MAP2: variants seen among roughly 807,000 people sequenced by gnomAD.
MAP2 encodes microtubule-associated protein 2.
In MAP2, 14 loss-of-function variants were observed where a neutral mutation model predicts 137.6. That is an observed-to-expected ratio of 0.10 (90% CI 0.07 to 0.16). MAP2 has a LOEUF of 0.16. MAP2 is among the 10% of genes least tolerant of loss of function. MAP2 has a pLI of 1.00. For missense variants in MAP2, 2,088 were observed against 2,191.5 expected (o/e 0.95, Z 0.94); for synonymous variants, 786 against 782.3 (o/e 1.00, Z -0.08).
intron 1 of MAP2, among the ~76,000 whole-genome samples, chr2:209,432,834 C>T (rs1215857090): frequency 2.0e-5 from 3 of 152,124 alleles, no homozygotes; most frequent in Non-Finnish European, 4.4e-5. Context: ...AGAGTCAACA[C>T]ATATAAATGC....
In MAP2 at chr2:209,695,931, C is replaced by A. The variant is rs753552732; in HGVS notation, c.3761C>A (p.Thr1254Asn). The A allele has an allele frequency of 1.9e-6, 3 of 1,614,050 alleles. No individual in the cohort carries two copies. The East Asian group carries it at 6.7e-5, about 36-fold the overall frequency. ...GATAAACTGCTCTTCCGCTCAGACA[C>A]CCTTCAGATAACTGACCTGGGTGTC... ...EYDKLLFRSD[T>N]LQITDLGVSG... Residue 1254 changes from threonine (T) to asparagine (N), a missense_variant, in exon 8 of 16, where the codon ACC becomes AAC. Coordinates refer to ENST00000682079, the MANE Select transcript of MAP2 (RefSeq NM_001375505.1).
At chr2:209,428,539 G>A (rs1033761090) in intron 1 of MAP2, among the ~76,000 whole-genome samples, 1 of 150,666 alleles carries the variant, frequency 6.6e-6, no homozygotes, top group South Asian at 2.1e-4. Context: ...CTTTCAGTTT[G>A]TATTGGCAAA....
intron 2 of MAP2, among the ~76,000 whole-genome samples, chr2:209,574,789 A>C (rs2075035936): frequency 6.6e-6 from 1 of 152,228 alleles, no homozygotes; most frequent in African/African-American, 2.4e-5. Flanking sequence ...CATCTATAGT[A>C]AATAAGGCAA....
intron 1 of MAP2, among the ~76,000 whole-genome samples, chr2:209,459,749 T>C (rs1302969158): frequency 6.6e-6 from 1 of 152,212 alleles, no homozygotes; most frequent in Non-Finnish European, 1.5e-5. Context: ...CAGGCCACCA[T>C]GCATTTTTTT....
At chr2:209,427,970 C>T (rs1678938148) in intron 1 of MAP2, among the ~76,000 whole-genome samples, 2 of 152,038 alleles carry the variant, frequency 1.3e-5, no homozygotes, top group Admixed American at 1.3e-4. Flanking sequence ...TTTTGTTTTT[C>T]TGTTTCAACA....
intron 1 of MAP2, among the ~76,000 whole-genome samples, chr2:209,461,630 A>C (rs1023118989): frequency 6.6e-6 from 1 of 152,062 alleles, no homozygotes; most frequent in Non-Finnish European, 1.5e-5. Flanking sequence ...TTGTGTTTTC[A>C]GTGGAGACGG....
intron 1 of MAP2, among the ~76,000 whole-genome samples, chr2:209,433,357 G>A (rs909479621): frequency 6.6e-6 from 1 of 152,044 alleles, no homozygotes; most frequent in African/African-American, 2.4e-5. Context: ...GTGAGAGAGA[G>A]TAGCCTCAAA....
intron 2 of MAP2, chr2:209,579,170 A>C (rs2075828938): frequency 2.0e-5 from 3 of 152,188 alleles, no homozygotes; most frequent in Non-Finnish European, 4.4e-5. Flanking sequence ...AAAAATTCCC[A>C]TAAACTAGTA....
chr2:209,563,378 C>T (rs865947846), intron 2 of MAP2, among the ~76,000 whole-genome samples: 2 of 148,880 alleles, frequency 1.3e-5, no homozygotes, highest in African/African-American at 5.2e-5. Context: ...AATGCAATTA[C>T]TTTTGCACCA....
intron 2 of MAP2, among the ~76,000 whole-genome samples, chr2:209,529,268 T>C (rs2064719039): frequency 1.3e-5 from 2 of 152,102 alleles, no homozygotes; most frequent in Admixed American, 6.6e-5. Context: ...TAAGCAAGTT[T>C]AGGAAGACAA....
At chr2:209,496,992 A>T (rs1187797009) in intron 1 of MAP2, among the ~76,000 whole-genome samples, 4 of 152,092 alleles carry the variant, frequency 2.6e-5, no homozygotes, top group Admixed American at 1.3e-4. Context: ...TATGTCGCTT[A>T]TGCTGGTTTC....
rs2059891459 is a variant in MAP2, at chr2:209,695,218, G to A, written c.3048G>A (p.Glu1016=). ...IPTDASSEKA[E]KGLSSVPEIA... ...CAGATGCATCCTCTGAGAAAGCAGAGAAGGGTCTTAGTTCAGTGCCAGAGA... is the reference window on the plus strand; with the variant it reads ...CAGATGCATCCTCTGAGAAAGCAGAAAAGGGTCTTAGTTCAGTGCCAGAGA... The change falls in exon 8 of 16, where the codon GAG becomes GAA. Residue 1016 remains glutamate, a synonymous_variant. Coordinates refer to ENST00000682079, the MANE Select transcript of MAP2 (RefSeq NM_001375505.1). 1 of 1,614,150 alleles carries A rather than the reference G, an allele frequency of 6.2e-7. No homozygotes were observed. The highest frequency in any genetic ancestry group is 8.5e-7 in the Non-Finnish European group (1 of 1,180,022).
intron 4 of MAP2, among the ~76,000 whole-genome samples, chr2:209,646,102 G>A (rs958505288): frequency 7.9e-5 from 12 of 152,070 alleles, no homozygotes; most frequent in African/African-American, 2.4e-4. Context: ...GAGGCTGAGC[G>A]GGGAGAATCA....
At chr2:209,514,064 C>T (rs288046) in intron 2 of MAP2, among the ~76,000 whole-genome samples, 123,170 of 152,032 alleles carry the variant, frequency 0.81, 51,352 homozygotes, top group Non-Finnish European at 0.93. Flanking sequence ...TTCTGGAAGC[C>T]TTGTATTTCT....
chr2:209,583,573 A>T (rs755703023), intron 3 of MAP2, among the ~76,000 whole-genome samples: 9 of 152,056 alleles, frequency 5.9e-5, no homozygotes, highest in Admixed American at 4.6e-4. Flanking sequence ...CAGAGTAAAA[A>T]TACCAATTCA....
rs753569560 is a variant in MAP2, at chr2:209,694,797, C to A, written c.2627C>A (p.Thr876Lys). 6.2e-7 allele frequency: 1 copy of A among 1,614,182 alleles called. No individual in the cohort carries two copies. The highest frequency in any genetic ancestry group is 8.5e-7 in the Non-Finnish European group (1 of 1,180,030). The part of the protein sequence containing the change: ...DLGYCVFNKY[T>K]VPLPSPVQDS... ...GGCTACTGTGTGTTCAATAAGTACACAGTCCCATTGCCATCACCTGTTCAA... is the reference window on the plus strand; with the variant it reads ...GGCTACTGTGTGTTCAATAAGTACAAAGTCCCATTGCCATCACCTGTTCAA... The change falls in exon 8 of 16, where the codon ACA becomes AAA. Residue 876 changes from threonine (T) to lysine (K), a missense_variant. Transcript: ENST00000682079.
chr2:209,584,964 G>T (rs1286904344), intron 3 of MAP2, among the ~76,000 whole-genome samples: 1 of 152,072 alleles, frequency 6.6e-6, no homozygotes. Context: ...ATCTCTAGTC[G>T]CTAGCAAAAT....
intron 2 of MAP2, among the ~76,000 whole-genome samples, chr2:209,578,375 T>A (rs2075680074): frequency 6.6e-6 from 1 of 151,304 alleles, no homozygotes; most frequent in Non-Finnish European, 1.5e-5. Context: ...TTATCTTAAT[T>A]CAAAATACAG....
chr2:209,624,325 T>G (rs1475667829), intron 3 of MAP2, among the ~76,000 whole-genome samples: 2 of 152,182 alleles, frequency 1.3e-5, no homozygotes, highest in African/African-American at 4.8e-5. Flanking sequence ...GACTATAAAA[T>G]GGCCCTCAGC....
Sources: gnomAD v4.1 joint callset for allele counts (sites outside exome capture counted in the v4.1 genomes callset) on GRCh38, gnomAD v4.1.1 for gene constraint, MANE v1.5 for transcripts, NCBI Gene and HGNC (gene_info 2026-07-23, HGNC 2026-07-21) for gene names.